The following BAZ1A variants were observed in gnomAD, a reference collection of about 807,000 sequenced individuals.
BAZ1A encodes the protein bromodomain adjacent to zinc finger domain protein 1A.
A neutral mutation model predicts 185.2 loss-of-function variants in BAZ1A; 50 were observed. That is an observed-to-expected ratio of 0.27 (90% CI 0.22 to 0.34). The LOEUF (loss-of-function observed/expected upper bound fraction) is 0.34. Among genes scored for constraint, BAZ1A ranks in the 10% least tolerant of loss-of-function variants. The probability of loss-of-function intolerance (pLI) is 1.00; values close to 1 mark genes in which losing one functional copy is unlikely to be tolerated. For synonymous variants in BAZ1A, 571 were observed against 615.6 expected (o/e 0.93, Z 1.07); for missense variants, 1,356 against 1,839.9 (o/e 0.74, Z 4.81).
chr14:34,834,825 CAG>C (rs1315460729), intron 3 of BAZ1A, among the ~76,000 whole-genome samples: 4 of 152,100 alleles, frequency 2.6e-5, no homozygotes, highest in Non-Finnish European at 4.4e-5. Flanking sequence ...TGTAAAAAAA[CAG>C]AGAATCATGA....
chr14:34,777,160 T>G (rs1242716368), intron 17 of BAZ1A, among the ~76,000 whole-genome samples: 1 of 152,204 alleles, frequency 6.6e-6, no homozygotes, highest in East Asian at 1.9e-4. Flanking sequence ...TATAAATATT[T>G]GTCTTTGTGG....
intron 4 of BAZ1A, among the ~76,000 whole-genome samples, chr14:34,819,934 G>C (rs1032596160): frequency 6.6e-6 from 1 of 152,106 alleles, no homozygotes; most frequent in Non-Finnish European, 1.5e-5. Context: ...CTAGCATTTG[G>C]TGTTGTCAGT....
intron 4 of BAZ1A, among the ~76,000 whole-genome samples, chr14:34,813,425 G>A (rs562336593): frequency 6.6e-6 from 1 of 152,300 alleles, no homozygotes; most frequent in East Asian, 1.9e-4. Flanking sequence ...GCTCACGCCT[G>A]TAATCCCAGC....
intron 24 of BAZ1A, among the ~76,000 whole-genome samples, chr14:34,760,849 T>C (rs1886491994): frequency 6.6e-6 from 1 of 151,462 alleles, no homozygotes; most frequent in Non-Finnish European, 1.5e-5. Context: ...TAATTAATAA[T>C]AACAATAAAA....
At chr14:34,771,861 G>C (rs1310034622) in intron 20 of BAZ1A, among the ~76,000 whole-genome samples, 1 of 152,126 alleles carries the variant, frequency 6.6e-6, no homozygotes, top group African/African-American at 2.4e-5. Context: ...AAAGAAGAGG[G>C]AAGGCTTATG....
chr14:34,827,187 T>C (rs1195674874), intron 3 of BAZ1A, among the ~76,000 whole-genome samples: 1 of 152,190 alleles, frequency 6.6e-6, no homozygotes, highest in Non-Finnish European at 1.5e-5. Flanking sequence ...GAGACTAAAT[T>C]TGTGACCTAG....
At chr14:34,869,062 C>T (rs1320335507) in intron 2 of BAZ1A, among the ~76,000 whole-genome samples, 1 of 151,308 alleles carries the variant, frequency 6.6e-6, no homozygotes, top group African/African-American at 2.4e-5. Flanking sequence ...AAAAAATTAG[C>T]CAGGCTTGGT....
intron 3 of BAZ1A, among the ~76,000 whole-genome samples, chr14:34,860,898 CA>C (rs904252182): frequency 5.6e-5 from 8 of 143,574 alleles, no homozygotes; most frequent in South Asian, 2.2e-4. Flanking sequence ...AACTCCGTCT[CA>C]AAAAAAAAAG....
At chr14:34,765,343 GT>G (rs1156561498) in intron 21 of BAZ1A, 75 bp from the exon 22 acceptor site, 1 of 1,525,310 alleles carries the variant, frequency 6.6e-7, no homozygotes, top group East Asian at 2.3e-5. Flanking sequence ...TTTGTTGGTA[GT>G]TTAAATATAG....
intron 25 of BAZ1A, among the ~76,000 whole-genome samples, chr14:34,756,638 G>T (rs1886264002): frequency 6.6e-6 from 1 of 151,502 alleles, no homozygotes; most frequent in Non-Finnish European, 1.5e-5. Flanking sequence ...GCTAATTTTT[G>T]CATTTTTAGT....
chr14:34,758,687 T>C lies in BAZ1A; in HGVS notation c.4386+17A>G, dbSNP rs1475246400. Reference sequence around the variant, plus strand: ...AGATAATATACAGGAATACATTTTATCAAGTCTAGTAATTACCTGGATTTT... The same window carrying C: ...AGATAATATACAGGAATACATTTTACCAAGTCTAGTAATTACCTGGATTTT... On this transcript the variant is annotated intron_variant, in intron 25 of 26. Transcript: ENST00000360310. 1 of 1,612,246 alleles carries C rather than the reference T, an allele frequency of 6.2e-7. No individual in the cohort carries two copies. Among genetic ancestry groups the C allele is most frequent in the East Asian group, 2.2e-5 (1 of 44,880 alleles).
chr14:34,841,930 T>C (rs954499827), intron 3 of BAZ1A, among the ~76,000 whole-genome samples: 1 of 152,176 alleles, frequency 6.6e-6, no homozygotes, highest in South Asian at 2.1e-4. Flanking sequence ...CAAGACTCCA[T>C]CCTATCAAGT....
rs1324212960 is a variant in BAZ1A at position 34,765,035 on chromosome 14, G to A, written c.3535C>T (p.Arg1179Ter). 1 of 1,614,064 alleles carries A rather than the reference G, an allele frequency of 6.2e-7. No homozygotes were observed. Among genetic ancestry groups the A allele is most frequent in the South Asian group, 1.1e-5 (1 of 91,056 alleles). ...GAAAAAAATACCTTGAGCTTTGGTC[G>A]AACACAGTAGGTATGATGACCCCTA... ...CDRGHHTYCV[R>*]PKLKTVPEGD... The change falls in exon 22 of 27, where the codon CGA becomes TGA. Residue 1179 changes from arginine (R) to a stop codon, truncating the protein, a stop_gained. Coordinates refer to ENST00000360310, the MANE Select transcript of BAZ1A (RefSeq NM_013448.3). LOFTEE classifies it high-confidence loss of function.
chr14:34,839,735 C>T (rs773225612), intron 3 of BAZ1A, among the ~76,000 whole-genome samples: 7 of 144,834 alleles, frequency 4.8e-5, no homozygotes, highest in East Asian at 2.1e-4. Flanking sequence ...CCCAGCTACT[C>T]GGGAGGCTGA....
At chr14:34,869,390 T>C (rs1231055121) in intron 2 of BAZ1A, among the ~76,000 whole-genome samples, 1 of 152,146 alleles carries the variant, frequency 6.6e-6, no homozygotes, top group Non-Finnish European at 1.5e-5. Flanking sequence ...AAAACTCATG[T>C]TTTCAAGAGA....
intron 12 of BAZ1A, among the ~76,000 whole-genome samples, chr14:34,791,332 GA>G (rs1326809463): frequency 3.3e-5 from 5 of 152,022 alleles, no homozygotes; most frequent in African/African-American, 7.3e-5. Flanking sequence ...TGTATTGTTA[GA>G]ATTTGATCAA....
chr14:34,866,502 A>AAAAAAAAAAAAAGAAAAAAAGAAAG, intron 2 of BAZ1A, among the ~76,000 whole-genome samples: 2 of 79,534 alleles, frequency 2.5e-5, no homozygotes, highest in African/African-American at 7.6e-5. Flanking sequence ...AAAAAAAAAA[A>AAAAAAAAAAAAAGAAAAAAAGAAAG]GAAAAAAGTT....
chr14:34,778,324 A>G (rs1443877342), intron 17 of BAZ1A, among the ~76,000 whole-genome samples: 1 of 152,242 alleles, frequency 6.6e-6, no homozygotes, highest in African/African-American at 2.4e-5. Flanking sequence ...CAAGATAGAA[A>G]GAGCTTGGAC....
chr14:34,849,851 T>C (rs2042570735), intron 3 of BAZ1A, among the ~76,000 whole-genome samples: 1 of 152,216 alleles, frequency 6.6e-6, no homozygotes, highest in Non-Finnish European at 1.5e-5. Context: ...CTACCACATA[T>C]TGCTTCAAAT....
Sources: allele counts gnomAD v4.1 joint callset (sites outside exome capture counted in the v4.1 genomes callset), GRCh38; gene constraint gnomAD v4.1.1; transcripts MANE v1.5; gene names NCBI Gene and HGNC (gene_info 2026-07-23, HGNC 2026-07-21).